The following MCTP2 variants were observed in gnomAD, a reference collection of about 807,000 sequenced individuals.
MCTP2 encodes the protein multiple C2 and transmembrane domain-containing protein 2.
In MCTP2, 132 loss-of-function variants were observed where a neutral mutation model predicts 111.6. That is an observed-to-expected ratio of 1.18 (90% CI 1.03 to 1.37). The LOEUF is 1.37. Among genes scored for constraint, MCTP2 ranks in the 40% most tolerant of loss-of-function variants. The pLI, the probability that MCTP2 is intolerant of heterozygous loss-of-function variation, is 0.00. For missense variants in MCTP2, 1,183 were observed against 1,067.9 expected (o/e 1.11, Z -1.50); for synonymous variants, 395 against 387.7 (o/e 1.02, Z -0.22).
chr15:94,360,213 C>T (rs897072987), intron 10 of MCTP2, among the ~76,000 whole-genome samples: 2 of 152,216 alleles, frequency 1.3e-5, no homozygotes, highest in African/African-American at 4.8e-5. Context: ...CTATGCTTGT[C>T]TGTTAGATTG....
intron 1 of MCTP2, among the ~76,000 whole-genome samples, chr15:94,282,921 G>A (rs1024262736): frequency 2.6e-5 from 4 of 152,114 alleles, no homozygotes; most frequent in Admixed American, 1.3e-4. Flanking sequence ...TGCTGGAGGA[G>A]CTGAAGTGTT....
At chr15:94,386,641 C>G (rs958169975) in intron 14 of MCTP2, among the ~76,000 whole-genome samples, 1 of 151,822 alleles carries the variant, frequency 6.6e-6, no homozygotes, top group Admixed American at 6.5e-5. Context: ...GATTTCCCCC[C>G]CTTTTTTTTT....
At chr15:94,452,940 G>A (rs1184145216) in intron 19 of MCTP2, among the ~76,000 whole-genome samples, 6 of 147,414 alleles carry the variant, frequency 4.1e-5, no homozygotes, top group Non-Finnish European at 7.5e-5. Flanking sequence ...GTGGAAACAC[G>A]TGAAAAAACT....
chr15:94,297,442 A>G (rs1201431093), intron 1 of MCTP2, among the ~76,000 whole-genome samples: 1 of 152,172 alleles, frequency 6.6e-6, no homozygotes, highest in Non-Finnish European at 1.5e-5. Context: ...ATTTCTTCTG[A>G]ATAAGAACAA....
At position 94,480,275 on chromosome 15, in the gene MCTP2, A is replaced by C. The variant is rs1461423907; in HGVS notation, c.*1241A>C. On this transcript the variant is annotated 3_prime_UTR_variant, in exon 23 of 23. Coordinates refer to ENST00000357742, the MANE Select transcript of MCTP2 (RefSeq NM_001385001.1). ...CAGTTTTTATGTATGTATGTATTATAAAAAAAGTTAAGGTTAAAAAGATCT... is the reference window on the plus strand; with the variant it reads ...CAGTTTTTATGTATGTATGTATTATCAAAAAAGTTAAGGTTAAAAAGATCT... 6.6e-6 allele frequency: 1 copy of C among 152,164 alleles called. No individual in the cohort carries two copies. Among genetic ancestry groups the C allele is most frequent in the Non-Finnish European group, 1.5e-5 (1 of 68,028 alleles). 9.4% of individuals were successfully genotyped at this position (152,164 alleles called of 1,614,324 possible).
chr15:94,479,950 T>A lies in MCTP2; in HGVS notation c.*916T>A, dbSNP rs1488514328. 2 of 152,196 alleles carry A rather than the reference T, an allele frequency of 1.3e-5. No homozygotes were observed. Among genetic ancestry groups the A allele is most frequent in the Non-Finnish European group, 2.9e-5 (2 of 68,034 alleles). 9.4% of individuals were successfully genotyped at this position (152,196 alleles called of 1,614,324 possible). A position where few individuals can be genotyped will look rare whatever the true frequency, so the allele number is the denominator to read the frequency against. ...ACCTAATTATTATAATCATTTCATTTGCCTGAATGTTTTAAGCAGGAAGTA... is the reference window on the plus strand; with the variant it reads ...ACCTAATTATTATAATCATTTCATTAGCCTGAATGTTTTAAGCAGGAAGTA... On this transcript the variant is annotated 3_prime_UTR_variant, in exon 23 of 23. Transcript: ENST00000357742.
chr15:94,246,947 A>G (rs2072057190), intron 1 of MCTP2, among the ~76,000 whole-genome samples: 1 of 152,214 alleles, frequency 6.6e-6, no homozygotes, highest in East Asian at 1.9e-4. Flanking sequence ...GCTGACTGCC[A>G]TCTTTGATAG....
intron 1 of MCTP2, chr15:94,273,755 T>C: frequency 5.4e-6 from 1 of 183,926 alleles, no homozygotes; most frequent in South Asian, 1.3e-4. Flanking sequence ...TCCCAATGCA[T>C]GCACACCCAC....
intron 17 of MCTP2, among the ~76,000 whole-genome samples, chr15:94,430,746 C>G (rs183654453): frequency 1.3e-5 from 2 of 151,624 alleles, no homozygotes; most frequent in Non-Finnish European, 2.9e-5. Flanking sequence ...AGTGAGACTA[C>G]GTCTCAAAAA....
Position 94,401,927 on chromosome 15 carries a change from A to G in MCTP2, c.1993A>G (p.Lys665Glu). 1.9e-6 allele frequency: 3 copies of G among 1,612,902 alleles called. No individual in the cohort carries two copies. The highest frequency in any genetic ancestry group is 2.5e-6 in the Non-Finnish European group (3 of 1,179,184). The change falls in exon 17 of 23, where the codon AAA becomes GAA. Residue 665 changes from lysine (K) to glutamate (E), a missense_variant. Coordinates refer to ENST00000357742, the MANE Select transcript of MCTP2 (RefSeq NM_001385001.1). ...KILSRDVDRV[K>E]RITMAIWNTM... The stretch of plus-strand genomic sequence containing the variant: ...CTTATCAAGAGATGTGGACCGTGTG[A>G]AAAGAATCACTATGGCAATATGGAA...
intron 16 of MCTP2, among the ~76,000 whole-genome samples, chr15:94,401,134 G>A (rs1315316847): frequency 4.6e-5 from 7 of 152,168 alleles, no homozygotes; most frequent in Non-Finnish European, 1.0e-4. Flanking sequence ...GTGGCTTTGG[G>A]CTCTCAGAGC....
Position 94,297,883 on chromosome 15 carries a change from C to T in MCTP2, c.-65-318C>T, listed in dbSNP as rs115402194. On this transcript the variant is annotated intron_variant, in intron 1 of 22. Transcript: ENST00000357742. ...GTGTTCTCGTGAATGTCTTTAGCTCCGCTTCCTCTGGGAAGGAAATAAGAC... is the reference window on the plus strand; with the variant it reads ...GTGTTCTCGTGAATGTCTTTAGCTCTGCTTCCTCTGGGAAGGAAATAAGAC... 9.3e-3 allele frequency among the ~76,000 whole-genome samples: 1,408 copies of T among 152,180 alleles called. 26 individuals carry two copies. Among genetic ancestry groups the T allele is most frequent in the African/African-American group, 0.032 (1,318 of 41,500 alleles).
At chr15:94,367,983 T>A (rs984915072) in intron 11 of MCTP2, among the ~76,000 whole-genome samples, 192 bp downstream of exon 11, 8 of 152,174 alleles carry the variant, frequency 5.3e-5, no homozygotes, top group Admixed American at 5.2e-4. Context: ...GACAGTAGAA[T>A]TAAGAGTTGG....
chr15:94,257,000 A>C (rs1212002883), intron 1 of MCTP2, among the ~76,000 whole-genome samples: 1 of 152,124 alleles, frequency 6.6e-6, no homozygotes, highest in Admixed American at 6.5e-5. Flanking sequence ...CAATTCACTT[A>C]AAATAAAACC....
intron 1 of MCTP2, among the ~76,000 whole-genome samples, chr15:94,244,594 CTA>C (rs1343341918): frequency 5.5e-5 from 8 of 145,336 alleles, no homozygotes; most frequent in Non-Finnish European, 1.1e-4. Context: ...ACATATGCAC[CTA>C]TGTTTATATA....
intron 1 of MCTP2, among the ~76,000 whole-genome samples, chr15:94,275,844 AT>A (rs35006187): frequency 0.027 from 3,597 of 131,484 alleles, 93 homozygotes; most frequent in African/African-American, 0.077. Context: ...TTTTATAAGC[AT>A]TTTTTTTTTT....
chr15:94,409,522 CT>C (rs2082058872), intron 17 of MCTP2, among the ~76,000 whole-genome samples: 1 of 152,036 alleles, frequency 6.6e-6, no homozygotes, highest in Non-Finnish European at 1.5e-5. Context: ...GATTCCTTGT[CT>C]TTTACAGATC....
chr15:94,449,879 A>G (rs767439117), intron 19 of MCTP2, among the ~76,000 whole-genome samples: 1 of 152,232 alleles, frequency 6.6e-6, no homozygotes, highest in Non-Finnish European at 1.5e-5. Flanking sequence ...TTACAGTTAT[A>G]GAAAACCATT....
At chr15:94,305,491 ATATAT>A (rs980042433) in intron 2 of MCTP2, among the ~76,000 whole-genome samples, 2 of 152,128 alleles carry the variant, frequency 1.3e-5, no homozygotes, top group African/African-American at 4.8e-5. Context: ...GCGGATATAT[ATATAT>A]ATGTATGGGA....
Sources: allele counts gnomAD v4.1 joint callset (sites outside exome capture counted in the v4.1 genomes callset), GRCh38; gene constraint gnomAD v4.1.1; transcripts MANE v1.5; gene names NCBI Gene and HGNC (gene_info 2026-07-23, HGNC 2026-07-21).